Variants in DNAH9 observed in about 807,000 individuals in gnomAD.
DNAH9 encodes DNAH9 variant protein.
In DNAH9, 345 loss-of-function variants were observed where a neutral mutation model predicts 471.6. The ratio of observed to expected loss-of-function variants is 0.73; its 90% CI spans 0.67 to 0.80. The LOEUF (loss-of-function observed/expected upper bound fraction) is 0.80, where lower values mean the gene tolerates loss of function less well. DNAH9 is among the 30% of genes least tolerant of loss of function. DNAH9 has a pLI of 0.00. For synonymous variants in DNAH9, 2,093 were observed against 2,123.6 expected, an observed-to-expected ratio of 0.99 and a Z score of 0.40; for missense variants, 5,407 against 5,609.2, an observed-to-expected ratio of 0.96 and a Z score of 1.15.
At chr17:11,728,142 G>A in intron 28 of DNAH9, 1 of 548,052 alleles carries the variant, frequency 1.8e-6, no homozygotes, top group Non-Finnish European at 3.3e-6. Flanking sequence ...TACTGGCTTT[G>A]GGACTCTGTT....
intron 49 of DNAH9, among the ~76,000 whole-genome samples, chr17:11,850,741 GC>G (rs1336043175): frequency 6.6e-6 from 1 of 152,000 alleles, no homozygotes; most frequent in Non-Finnish European, 1.5e-5. Flanking sequence ...TGACTTGAGG[GC>G]CCATGCTTAA....
intron 35 of DNAH9, among the ~76,000 whole-genome samples, chr17:11,762,362 G>A (rs565402255): frequency 2.0e-5 from 3 of 152,260 alleles, no homozygotes; most frequent in East Asian, 3.9e-4. Flanking sequence ...GTGTGGGTAC[G>A]TGGTGTGCTC....
chr17:11,667,241 GTATATA>G (rs58205461), intron 15 of DNAH9, among the ~76,000 whole-genome samples: 1 of 152,042 alleles, frequency 6.6e-6, no homozygotes, highest in Non-Finnish European at 1.5e-5. Flanking sequence ...TATGTCATGA[GTATATA>G]TATAAAGCAA....
At chr17:11,909,236 G>A (rs1245778378) in intron 61 of DNAH9, among the ~76,000 whole-genome samples, 2 of 152,118 alleles carry the variant, frequency 1.3e-5, no homozygotes, top group African/African-American at 4.8e-5. Context: ...AAGCTAGCCA[G>A]TTCTTAGAGA....
At chr17:11,840,822 T>A (rs149684378) in intron 49 of DNAH9, among the ~76,000 whole-genome samples, 61 of 152,218 alleles carry the variant, frequency 4.0e-4, no homozygotes, top group African/African-American at 1.4e-3. Flanking sequence ...GGACAACCTC[T>A]GGAAGCTGAA....
rs771182055 is a variant in DNAH9, at chr17:11,962,198, C to T, written c.13175C>T (p.Pro4392Leu). The part of the protein sequence containing the change: ...KKNREEFRSP[P>L]REGAYIHGLF... ...AACAGAGAAGAGTTTAGGAGTCCTCCTCGGGAAGGGGCCTACATCCATGGC... is the reference window on the plus strand; with the variant it reads ...AACAGAGAAGAGTTTAGGAGTCCTCTTCGGGAAGGGGCCTACATCCATGGC... Residue 4392 changes from proline to leucine, a missense_variant, in exon 68 of 69, where the codon CCT becomes CTT. Physicochemically the swap from Pro to Leu is moderately conservative, Grantham distance 98 (BLOSUM62 -3). Around this residue, in one of 3 missense-constraint regions of DNAH9, gnomAD observed 4,636 missense variants for 4,900.3 expected, o/e 0.95. Transcript: ENST00000262442. This position sits in a 1 kb window ranked among gnomAD's most constrained non-coding sequence, Gnocchi z 4.1. The T allele has an allele frequency of 1.2e-6, 2 of 1,613,966 alleles. No homozygotes were observed. The highest frequency in any genetic ancestry group is 2.2e-5 in the South Asian group (2 of 91,056).
At chr17:11,732,110 C>A (rs1488056304) in intron 28 of DNAH9, among the ~76,000 whole-genome samples, 2 of 152,232 alleles carry the variant, frequency 1.3e-5, no homozygotes, top group Admixed American at 1.3e-4. Context: ...CAGTGCCCAA[C>A]AGCCATTGTT....
Position 11,738,978 on chromosome 17 carries a change from C to T in DNAH9, c.5913C>T (p.Thr1971=). 2 of 1,614,098 alleles carry T rather than the reference C, an allele frequency of 1.2e-6. No individual in the cohort carries two copies. Among genetic ancestry groups the T allele is most frequent in the Non-Finnish European group, 1.7e-6 (2 of 1,179,964 alleles). The change falls in exon 29 of 69, where the codon ACC becomes ACT. Residue 1971 remains threonine, a synonymous_variant. Coordinates refer to ENST00000262442, the MANE Select transcript of DNAH9 (RefSeq NM_001372.4). Reference sequence around the variant, plus strand: ...ATCCTTCTGTCGGTATCTTCATCACCATGAACCCAGGCTATGCTGGCCGCA... The same window carrying T: ...ATCCTTCTGTCGGTATCTTCATCACTATGAACCCAGGCTATGCTGGCCGCA... ...SLNPSVGIFI[T]MNPGYAGRTE... is the part of the protein sequence containing the mutation.
chr17:11,939,275 C>A (rs1974818759), intron 66 of DNAH9, among the ~76,000 whole-genome samples: 1 of 152,052 alleles, frequency 6.6e-6, no homozygotes, highest in South Asian at 2.1e-4. Context: ...GAATAATGTT[C>A]CTAGATCTAA....
intron 19 of DNAH9, among the ~76,000 whole-genome samples, chr17:11,684,246 GA>G (rs60990497): frequency 1.3e-5 from 2 of 151,900 alleles, no homozygotes; most frequent in African/African-American, 2.4e-5. Flanking sequence ...TTTGAGGAGA[GA>G]AAAAAAACCT....
Position 11,694,533 on chromosome 17 carries a change from C to T in DNAH9, c.4872+86C>T, listed in dbSNP as rs541368924. ...CAGTTTCTGGCTCCCCATCATGCCT[C>T]TTCTCTCTGGCAGGTTCTGTACTTC... On this transcript the variant is annotated intron_variant, in intron 22 of 68. Coordinates refer to ENST00000262442, the MANE Select transcript of DNAH9 (RefSeq NM_001372.4). 8.5e-5 allele frequency: 124 copies of T among 1,463,156 alleles called. 3 individuals are homozygous for T. The East Asian group carries it at 1.7e-3, about 20-fold the overall frequency. 90.6% of individuals were successfully genotyped at this position (1,463,156 alleles called of 1,614,324 possible).
At chr17:11,851,088 G>A in intron 49 of DNAH9, among the ~76,000 whole-genome samples, 1 of 114,452 alleles carries the variant, frequency 8.7e-6, no homozygotes, top group Non-Finnish European at 1.9e-5. Context: ...TTTAAATTGA[G>A]GTTGTTTTGT....
intron 35 of DNAH9, among the ~76,000 whole-genome samples, chr17:11,758,997 C>G (rs1345324149): frequency 6.6e-6 from 1 of 150,874 alleles, no homozygotes; most frequent in Non-Finnish European, 1.5e-5. Flanking sequence ...AAGTGGAAAA[C>G]AGTAGTTAAT....
At chr17:11,807,559 A>T (rs1432166837) in intron 43 of DNAH9, among the ~76,000 whole-genome samples, 173 bp from the exon 44 acceptor site, 1 of 152,158 alleles carries the variant, frequency 6.6e-6, no homozygotes, top group Non-Finnish European at 1.5e-5. Flanking sequence ...AGCTTCAGTC[A>T]GCTCGGGCAA....
chr17:11,629,968 C>G (rs910332104), intron 7 of DNAH9, among the ~76,000 whole-genome samples: 2 of 151,812 alleles, frequency 1.3e-5, no homozygotes, highest in African/African-American at 4.9e-5. Context: ...ATGGTCTCAA[C>G]TATATGAGGC....
chr17:11,708,537 T>C (rs2074771654), intron 26 of DNAH9, among the ~76,000 whole-genome samples: 1 of 152,000 alleles, frequency 6.6e-6, no homozygotes, highest in South Asian at 2.1e-4. Flanking sequence ...GTGGGGGGCG[T>C]GGAGTCTTAA....
chr17:11,730,028 A>G (rs1265376443), intron 28 of DNAH9, among the ~76,000 whole-genome samples: 1 of 152,202 alleles, frequency 6.6e-6, no homozygotes, highest in Non-Finnish European at 1.5e-5. Context: ...TTTGACAGCC[A>G]CTGACTCTTG....
chr17:11,805,317 C>T (rs891882950), intron 43 of DNAH9, among the ~76,000 whole-genome samples: 5 of 152,026 alleles, frequency 3.3e-5, no homozygotes, highest in African/African-American at 1.2e-4. Flanking sequence ...GTTGTTCATG[C>T]GTTGAACCCC....
In DNAH9 at chr17:11,608,348, T is replaced by C. The variant is rs2072554556; in HGVS notation, c.614+23T>C. 4 of 1,559,610 alleles carry C rather than the reference T, an allele frequency of 2.6e-6. No individual in the cohort carries two copies. The East Asian group carries it at 9.0e-5, about 35-fold the overall frequency. On this transcript the variant is annotated intron_variant, in intron 2 of 68. Transcript: ENST00000262442. Reference sequence around the variant, plus strand: ...AGTGTAAGTACCGCCAGCCTGGCCATATGGGCCTCTGAGATATGGGAGATG... The same window carrying C: ...AGTGTAAGTACCGCCAGCCTGGCCACATGGGCCTCTGAGATATGGGAGATG...
Sources: gnomAD v4.1 joint callset for allele counts (sites outside exome capture counted in the v4.1 genomes callset) on GRCh38, gnomAD v4.1.1 for gene constraint, gnomAD v4.1.1 regional missense constraint, Gnocchi (gnomAD v3.1) non-coding constraint, MANE v1.5 for transcripts, NCBI Gene and HGNC (gene_info 2026-07-23, HGNC 2026-07-21) for gene names.